The following PREX1 variants were observed in gnomAD, a reference collection of about 807,000 sequenced individuals.
PREX1 encodes phosphatidylinositol 3,4,5-trisphosphate-dependent Rac exchanger 1 protein.
A neutral mutation model predicts 198.3 loss-of-function variants in PREX1; 41 were observed. The observed-to-expected ratio is 0.21, with a 90% CI of 0.16 to 0.27. PREX1 has a LOEUF of 0.27. Among genes scored for constraint, PREX1 ranks in the 10% least tolerant of loss-of-function variants. The probability of loss-of-function intolerance (pLI) is 1.00; values close to 1 mark genes in which losing one functional copy is unlikely to be tolerated. For synonymous variants in PREX1, 843 were observed against 887.2 expected (o/e 0.95, Z 0.89); for missense variants, 1,620 against 2,200.7 (o/e 0.74, Z 5.28).
intron 5 of PREX1, among the ~76,000 whole-genome samples, chr20:48,716,776 G>A (rs1057006137): frequency 2.0e-5 from 3 of 152,178 alleles, no homozygotes; most frequent in South Asian, 2.1e-4. Context: ...GACTTCCTAC[G>A]CAAACGCTGG....
intron 31 of PREX1, among the ~76,000 whole-genome samples, chr20:48,637,021 G>A (rs2089370595): frequency 6.6e-6 from 1 of 152,206 alleles, no homozygotes; most frequent in African/African-American, 2.4e-5. Flanking sequence ...GGGATTCCTT[G>A]GCCTTGGCCA....
At chr20:48,834,876 G>C in the PREX1 span, among the ~76,000 whole-genome samples, 2 of 151,912 alleles carry the variant, frequency 1.3e-5, no homozygotes, top group Non-Finnish European at 2.9e-5. Flanking sequence ...TGCTCACTCT[G>C]TGCAAGGCAC....
intron 1 of PREX1, among the ~76,000 whole-genome samples, chr20:48,789,677 C>T (rs2090328818): frequency 6.6e-6 from 1 of 152,042 alleles, no homozygotes; most frequent in Non-Finnish European, 1.5e-5. Flanking sequence ...TAAGCTGAGA[C>T]TATAAAGTTT....
intron 5 of PREX1, among the ~76,000 whole-genome samples, chr20:48,718,260 A>G (rs1946857256): frequency 6.6e-6 from 1 of 152,202 alleles, no homozygotes; most frequent in Non-Finnish European, 1.5e-5. Context: ...TCTTGCTCCC[A>G]CTTCCAGGCT....
At position 48,630,761 on chromosome 20, in the gene PREX1, C is replaced by T. The variant is rs141559362; in HGVS notation, c.4560G>A (p.Thr1520=). Residue 1520 remains threonine, a synonymous_variant, in exon 36 of 40, where the codon ACG becomes ACA. Transcript: ENST00000371941. ...TCTTTACCGCCGTGGTGCTGGCATCCGTGGGCAGGTTAGACCGCTCCAGGT... is the reference window on the plus strand; with the variant it reads ...TCTTTACCGCCGTGGTGCTGGCATCTGTGGGCAGGTTAGACCGCTCCAGGT... ...AFYLERSNLP[T]DASTTAVKID... 62 of 1,600,120 alleles carry T rather than the reference C, an allele frequency of 3.9e-5. No homozygotes were observed. The highest frequency in any genetic ancestry group is 4.9e-5 in the Non-Finnish European group (57 of 1,167,506).
the PREX1 span, among the ~76,000 whole-genome samples, chr20:48,880,223 G>A: frequency 6.6e-6 from 1 of 152,150 alleles, no homozygotes; most frequent in Non-Finnish European, 1.5e-5. Context: ...ACTCAAAGTG[G>A]TTTATACAAA....
At chr20:48,842,524 TTC>T in the PREX1 span, among the ~76,000 whole-genome samples, 1 of 151,838 alleles carries the variant, frequency 6.6e-6, no homozygotes. Context: ...CGTGGGTATA[TTC>T]TCTCTCTCCA....
intron 1 of PREX1, among the ~76,000 whole-genome samples, chr20:48,757,984 T>C (rs533820540): frequency 6.6e-6 from 1 of 152,114 alleles, no homozygotes; most frequent in South Asian, 2.1e-4. Flanking sequence ...TGTGGGTGCA[T>C]CTTAGCGGGT....
intron 1 of PREX1, among the ~76,000 whole-genome samples, chr20:48,752,520 G>A (rs1002328292): frequency 6.6e-6 from 1 of 152,188 alleles, no homozygotes; most frequent in East Asian, 1.9e-4. Context: ...GCAGGCCAGA[G>A]GTGCGGAAGA....
At chr20:48,872,043 C>A in the PREX1 span, among the ~76,000 whole-genome samples, 1 of 151,716 alleles carries the variant, frequency 6.6e-6, no homozygotes, top group African/African-American at 2.4e-5. Flanking sequence ...CCTGTAGTCC[C>A]AGCTACTCGG....
chr20:48,764,965 C>T lies in PREX1; in HGVS notation c.220-17085G>A, dbSNP rs574729059. Among the ~76,000 whole-genome samples the T allele has an allele frequency of 2.3e-4, 35 of 152,138 alleles. 1 individual carries two copies. The highest frequency in any genetic ancestry group is 5.2e-4 in the Admixed American group (8 of 15,282). On this transcript the variant is annotated intron_variant, in intron 1 of 39. Transcript: ENST00000371941. Reference sequence around the variant, plus strand: ...AGGAAACGGATTCTCCCCAGACCCCCCAGGAGCACAGCCCTGCTGGCACCT... The same window carrying T: ...AGGAAACGGATTCTCCCCAGACCCCTCAGGAGCACAGCCCTGCTGGCACCT...
At chr20:48,626,577 G>C (rs1051124408) in intron 39 of PREX1, among the ~76,000 whole-genome samples, 4 of 152,242 alleles carry the variant, frequency 2.6e-5, no homozygotes, top group African/African-American at 9.6e-5. Context: ...GAAGCAATTG[G>C]ACAGTGCGTG....
At chr20:48,846,037 T>C in the PREX1 span, among the ~76,000 whole-genome samples, 15 of 152,238 alleles carry the variant, frequency 9.9e-5, no homozygotes, top group African/African-American at 3.4e-4. Flanking sequence ...GGCATTGTTC[T>C]AAGCACATTC....
At chr20:48,645,758 G>T in intron 26 of PREX1, 93 bp downstream of exon 26, 1 of 1,377,270 alleles carries the variant, frequency 7.3e-7, no homozygotes. Flanking sequence ...ACCCTGAGAA[G>T]TGTCCACTGA....
At chr20:48,710,120 G>A (rs902190945) in intron 5 of PREX1, among the ~76,000 whole-genome samples, 10 of 152,206 alleles carry the variant, frequency 6.6e-5, no homozygotes, top group Admixed American at 5.2e-4. Flanking sequence ...GGGGGCTTGA[G>A]AAAGGCCCAG....
At chr20:48,645,787 T>C in intron 26 of PREX1, 64 bp downstream of exon 26, 2 of 1,542,908 alleles carry the variant, frequency 1.3e-6, no homozygotes, top group Non-Finnish European at 1.8e-6. Context: ...TTGCCACGGG[T>C]CCGTGGCCTC....
intron 1 of PREX1, among the ~76,000 whole-genome samples, chr20:48,774,025 G>A (rs1347884141): frequency 6.6e-6 from 1 of 152,206 alleles, no homozygotes. Context: ...AGGGACGAGA[G>A]AGAGGGAAGT....
intron 22 of PREX1, 66 bp from the exon 23 acceptor site, chr20:48,651,121 A>C: frequency 6.4e-7 from 1 of 1,572,112 alleles, no homozygotes; most frequent in Non-Finnish European, 8.7e-7. Context: ...CGGTTCACCC[A>C]CAGTGACTCC....
intron 11 of PREX1, among the ~76,000 whole-genome samples, chr20:48,680,248 C>T (rs1334452536): frequency 1.3e-5 from 2 of 152,128 alleles, no homozygotes; most frequent in African/African-American, 4.8e-5. Flanking sequence ...CTTCAAGATA[C>T]CAATCACCTC....
Sources: gnomAD v4.1 joint callset for allele counts (sites outside exome capture counted in the v4.1 genomes callset) on GRCh38, gnomAD v4.1.1 for gene constraint, MANE v1.5 for transcripts, NCBI Gene and HGNC (gene_info 2026-07-23, HGNC 2026-07-21) for gene names.